The following GCFC2 variants were observed in gnomAD, a reference collection of about 807,000 sequenced individuals.
GCFC2 encodes the protein GC-rich sequence DNA-binding factor 2.
Under a neutral mutation model 99.4 loss-of-function variants are expected in GCFC2, and 102 were observed. The observed-to-expected ratio is 1.03, with a 90% CI of 0.87 to 1.21. GCFC2 has a LOEUF of 1.21. GCFC2 is among the 50% of genes most tolerant of loss of function. GCFC2 has a pLI of 0.00. For synonymous variants in GCFC2, 338 were observed against 316.8 expected (o/e 1.07, Z -0.71); for missense variants, 973 against 920.9 (o/e 1.06, Z -0.73).
Position 75,696,253 on chromosome 2 carries a change from G to A in GCFC2, c.780C>T (p.Ser260=), listed in dbSNP as rs1680319395. The change falls in exon 5 of 17, where the codon TCC becomes TCT. Residue 260 remains serine (S), a synonymous_variant. Coordinates refer to ENST00000321027, the MANE Select transcript of GCFC2 (RefSeq NM_003203.5). ...CTAAATTTACTGGCGGAAATGAAAT[G>A]GAAGTATCAAATTTCTTCACTTTTG... ...GSSKVKKFDT[S]ISFPPVNLEI... The A allele has an allele frequency of 4.6e-6, 7 of 1,508,724 alleles. No homozygotes were observed. The highest frequency in any genetic ancestry group is 6.4e-6 in the Non-Finnish European group (7 of 1,085,490). The allele number at this position is 1,508,724 out of a possible 1,614,324, so 93.5% of individuals were successfully genotyped here. A position where few individuals can be genotyped will look rare whatever the true frequency, so the allele number is the denominator to read the frequency against.
intron 6 of GCFC2, 60 bp from the exon 7 acceptor site, chr2:75,692,160 T>C: frequency 1.1e-5 from 5 of 471,034 alleles, no homozygotes; most frequent in Admixed American, 7.8e-5. Flanking sequence ...TATATATATA[T>C]ATATATATAT....
chr2:75,705,477 G>C (rs1378154565), intron 2 of GCFC2, among the ~76,000 whole-genome samples: 1 of 151,628 alleles, frequency 6.6e-6, no homozygotes, highest in African/African-American at 2.4e-5. Flanking sequence ...CAAAAAATTA[G>C]CCAGGCGTGG....
chr2:75,691,674 T>C (rs1319561841), intron 7 of GCFC2, among the ~76,000 whole-genome samples: 1 of 152,230 alleles, frequency 6.6e-6, no homozygotes, highest in South Asian at 2.1e-4. Flanking sequence ...ACTATGAAGT[T>C]AGACTTCTGA....
chr2:75,701,943 ATTT>A, intron 3 of GCFC2: 1 of 1,232,392 alleles, frequency 8.1e-7, no homozygotes, highest in Non-Finnish European at 1.0e-6. Context: ...GATACTGCAC[ATTT>A]TTTTTAACCT....
intron 6 of GCFC2, 150 bp from the exon 7 acceptor site, chr2:75,692,250 A>T (rs537590330): frequency 1.1e-4 from 28 of 260,290 alleles, no homozygotes; most frequent in African/African-American, 5.0e-4. Flanking sequence ...ATCACATCTG[A>T]AGTATAAAAC....
upstream of GCFC2, chr2:75,710,995 TA>T: frequency 7.4e-7 from 1 of 1,355,754 alleles, no homozygotes; most frequent in East Asian, 3.1e-5. Context: ...TGCTCACCGC[TA>T]CTCTGTCTGC....
rs899355124 is a variant in GCFC2 at position 75,700,595 on chromosome 2, T to C, written c.717+595A>G. Among the ~76,000 whole-genome samples the C allele has an allele frequency of 1.3e-5, 2 of 152,306 alleles. 1 individual carries two copies. The highest frequency in any genetic ancestry group is 3.9e-4 in the East Asian group (2 of 5,190). On this transcript the variant is annotated intron_variant, in intron 4 of 16. Transcript: ENST00000321027. The stretch of plus-strand genomic sequence containing the variant: ...GCGTTTAAAAGTAAAGCTTGAGGGC[T>C]AAACTTTACTTTTAAGCACCTGTAC...
rs1313883657 is a variant in GCFC2, at chr2:75,692,115, T to C, written c.1021-15A>G. The C allele has an allele frequency of 3.0e-6, 4 of 1,324,628 alleles. No homozygotes were observed. The highest frequency in any genetic ancestry group is 4.1e-4 in the Middle Eastern group (2 of 4,892). The allele number at this position is 1,324,628 out of a possible 1,614,324, so 82.1% of individuals were successfully genotyped here. On this transcript the variant is annotated splice_polypyrimidine_tract_variant and intron_variant, in intron 6 of 16. Transcript: ENST00000321027. ...ATGTTGATAATCTGAAATACACATA[T>C]AAGTAACATTTTGCAGGTCATCGAT...
At chr2:75,692,146 A>AATATAT (rs35357470) in intron 6 of GCFC2, 46 bp from the exon 7 acceptor site, 247 of 395,498 alleles carry the variant, frequency 6.2e-4, no homozygotes, top group African/African-American at 9.1e-4. Context: ...TCGATAATGA[A>AATATAT]ATATATATAT....
rs138446180 is a variant in GCFC2 at position 75,691,976 on chromosome 2, C to T, written c.1144+1G>A. On this transcript the variant is annotated splice_donor_variant, in intron 7 of 16. Transcript: ENST00000321027. LOFTEE classifies it high-confidence loss of function. ...TTGTATGGAACACGAAAAACACTAACGTGATAACTGTTGTAAATACGTTGA... is the reference window on the plus strand; with the variant it reads ...TTGTATGGAACACGAAAAACACTAATGTGATAACTGTTGTAAATACGTTGA... 4.6e-5 allele frequency: 68 copies of T among 1,489,616 alleles called. No individual in the cohort carries two copies. The highest frequency in any genetic ancestry group is 4.2e-4 in the South Asian group (30 of 71,630). The allele number at this position is 1,489,616 out of a possible 1,614,324, so 92.3% of individuals were successfully genotyped here. A position where few individuals can be genotyped will look rare whatever the true frequency, so the allele number is the denominator to read the frequency against.
chr2:75,703,820 T>C (rs190057943), intron 2 of GCFC2, among the ~76,000 whole-genome samples: 75 of 152,350 alleles, frequency 4.9e-4, no homozygotes, highest in Non-Finnish European at 9.1e-4. Flanking sequence ...TAGAGGATTT[T>C]AATGTGCAGG....
At chr2:75,713,056 C>T (rs888019122), upstream of GCFC2, among the ~76,000 whole-genome samples, 4 of 152,120 alleles carry the variant, frequency 2.6e-5, no homozygotes, top group Non-Finnish European at 5.9e-5. Flanking sequence ...TGACCTAGCC[C>T]CGGAATTTTT....
At chr2:75,683,403 T>G (rs188513800) in intron 11 of GCFC2, among the ~76,000 whole-genome samples, 1 of 151,894 alleles carries the variant, frequency 6.6e-6, no homozygotes, top group East Asian at 1.9e-4. Context: ...CTGAGAGATT[T>G]TGTCACCACC....
intron 4 of GCFC2, among the ~76,000 whole-genome samples, chr2:75,699,630 G>A (rs1680486909): frequency 6.6e-6 from 1 of 152,192 alleles, no homozygotes; most frequent in Non-Finnish European, 1.5e-5. Flanking sequence ...AGACTGGAGT[G>A]CAGTGGTGTG....
At chr2:75,673,420 A>C (rs1045071150) in intron 13 of GCFC2, 24 bp downstream of exon 13, 1 of 989,942 alleles carries the variant, frequency 1.0e-6, no homozygotes, top group African/African-American at 1.6e-5. Flanking sequence ...TATTTCCAAC[A>C]ATCTAGAAAT....
intron 11 of GCFC2, among the ~76,000 whole-genome samples, chr2:75,685,996 G>A (rs1350976924): frequency 6.6e-6 from 1 of 152,076 alleles, no homozygotes; most frequent in Admixed American, 6.6e-5. Context: ...CAATCCATTA[G>A]CACATTCTGT....
intron 12 of GCFC2, among the ~76,000 whole-genome samples, chr2:75,675,982 T>C (rs545938891): frequency 6.6e-6 from 1 of 152,130 alleles, no homozygotes; most frequent in East Asian, 1.9e-4. Flanking sequence ...ATGCCAATGG[T>C]TTTTATGCTG....
intron 14 of GCFC2, 28 bp from the exon 15 acceptor site, chr2:75,670,312 AC>A: frequency 6.7e-7 from 1 of 1,493,698 alleles, no homozygotes; most frequent in Middle Eastern, 1.7e-4. Context: ...GTAAATATGT[AC>A]CTTTTCTCCA....
chr2:75,669,004 C>A (rs1678970987), intron 15 of GCFC2, among the ~76,000 whole-genome samples: 1 of 152,048 alleles, frequency 6.6e-6, no homozygotes, highest in Non-Finnish European at 1.5e-5. Context: ...AATAACAACG[C>A]CAAAAAATGT....
Sources: allele counts gnomAD v4.1 joint callset (sites outside exome capture counted in the v4.1 genomes callset), GRCh38; gene constraint gnomAD v4.1.1; transcripts MANE v1.5; gene names NCBI Gene and HGNC (gene_info 2026-07-23, HGNC 2026-07-21).